The following FGFR2 variants were observed in gnomAD, a reference collection of about 807,000 sequenced individuals.
FGFR2 encodes the protein BEK fibroblast growth factor receptor.
FGFR2 carries 19 observed loss-of-function variants against 95.9 expected under a neutral mutation model. That is an observed-to-expected ratio of 0.20 (90% CI 0.14 to 0.29). FGFR2 has a LOEUF of 0.29. Among genes scored for constraint, FGFR2 ranks in the 10% least tolerant of loss-of-function variants. The probability of loss-of-function intolerance (pLI) is 1.00; values close to 1 mark genes in which losing one functional copy is unlikely to be tolerated. For synonymous variants in FGFR2, 392 were observed against 393.3 expected, an observed-to-expected ratio of 1.00 and a Z score of 0.04; for missense variants, 707 against 1,056.9, an observed-to-expected ratio of 0.67 and a Z score of 4.59.
intron 2 of FGFR2, among the ~76,000 whole-genome samples, chr10:121,591,916 C>T (rs1386747102): frequency 6.6e-6 from 1 of 152,158 alleles, no homozygotes; most frequent in Admixed American, 6.5e-5. Context: ...TCCCTTTCCA[C>T]GATTTCTTCC....
chr10:121,509,671 C>T (rs1848802321), intron 9 of FGFR2, among the ~76,000 whole-genome samples: 1 of 151,702 alleles, frequency 6.6e-6, no homozygotes, highest in Non-Finnish European at 1.5e-5. Context: ...TTAGTAGACA[C>T]ATGGTTTCAT....
intron 9 of FGFR2, among the ~76,000 whole-genome samples, chr10:121,507,560 T>A (rs763157819): frequency 2.0e-5 from 3 of 151,988 alleles, no homozygotes; most frequent in Non-Finnish European, 2.9e-5. Context: ...TGCACTGCAG[T>A]CTGGGCGACA....
At position 121,493,063 on chromosome 10, in the gene FGFR2, C is replaced by T. The variant is rs377152111; in HGVS notation, c.1863+3469G>A. On this transcript the variant is annotated intron_variant, in intron 13 of 17. Transcript: ENST00000358487. ...CAGAAGTGAGGACATCTGAGTCCTC[C>T]TGACACATCTGGTCTCAAACCATTC... Among the ~76,000 whole-genome samples, 153 of 152,250 alleles carry T rather than the reference C, an allele frequency of 1.0e-3. 2 individuals carry two copies. In the South Asian group the frequency reaches 0.029, roughly 29 times the overall value.
intron 6 of FGFR2, among the ~76,000 whole-genome samples, chr10:121,535,076 T>C (rs1478815873): frequency 1.3e-5 from 2 of 152,142 alleles, no homozygotes; most frequent in South Asian, 2.1e-4. Context: ...CAGAAGGAGA[T>C]TTTGAGACAC....
In FGFR2 at chr10:121,517,293, A is replaced by C. The variant is rs748295298; in HGVS notation, c.1084+26T>G. ...CAGTCAACCAAGAAAAGGGAAAAAA[A>C]CCCAGAGAGAAAGAACAGTATATAC... On this transcript the variant is annotated intron_variant, in intron 8 of 17. Transcript: ENST00000358487. This position sits in a 1 kb window ranked among gnomAD's most constrained non-coding sequence, Gnocchi z 4.7. 6.2e-6 allele frequency: 10 copies of C among 1,613,866 alleles called. No homozygotes were observed. Among genetic ancestry groups the C allele is most frequent in the Middle Eastern group, 3.3e-4 (2 of 6,084 alleles).
At chr10:121,482,652 T>C (rs1844909717) in intron 17 of FGFR2, among the ~76,000 whole-genome samples, 1 of 152,300 alleles carries the variant, frequency 6.6e-6, no homozygotes, top group East Asian at 1.9e-4. Flanking sequence ...CTAGACTTGA[T>C]GGGTTTATCA....
rs576719973 is a variant in FGFR2 at position 121,481,889 on chromosome 10, T to C, written c.2301+1809A>G. ...TCTCGCTCTGTCGCCAAGGCTGGAA[T>C]GCAATGGCATGATCTCGGCTCACTG... On this transcript the variant is annotated intron_variant, in intron 17 of 17. Coordinates refer to ENST00000358487, the MANE Select transcript of FGFR2 (RefSeq NM_000141.5). The C allele has an allele frequency of 1.1e-4, 26 of 227,450 alleles. No homozygotes were observed. The South Asian group carries it at 4.5e-3, about 39-fold the overall frequency. The allele number at this position is 227,450 out of a possible 1,614,324, so 14.1% of individuals were successfully genotyped here.
At chr10:121,580,910 G>C (rs1478341728) in intron 2 of FGFR2, among the ~76,000 whole-genome samples, 1 of 107,006 alleles carries the variant, frequency 9.3e-6, no homozygotes, top group Non-Finnish European at 2.3e-5. Flanking sequence ...TCTCAGAAGG[G>C]CTGTGCGCCG....
intron 9 of FGFR2, among the ~76,000 whole-genome samples, chr10:121,510,039 C>T (rs1848851329): frequency 6.6e-6 from 1 of 152,094 alleles, no homozygotes; most frequent in African/African-American, 2.4e-5. Context: ...TAAGCCTTGC[C>T]CACCACTCCC....
chr10:121,540,941 C>G (rs1853649601), intron 5 of FGFR2, among the ~76,000 whole-genome samples: 1 of 152,130 alleles, frequency 6.6e-6, no homozygotes, highest in East Asian at 1.9e-4. Context: ...CCTGACTCGG[C>G]TGACACATTA....
rs1177367694 is a variant in FGFR2 at position 121,485,445 on chromosome 10, C to A, written c.2145G>T (p.Leu715=). 2 of 1,614,158 alleles carry A rather than the reference C, an allele frequency of 1.2e-6. No homozygotes were observed. Among genetic ancestry groups the A allele is most frequent in the Non-Finnish European group, 8.5e-7 (1 of 1,180,036 alleles). Residue 715 remains leucine (L), a synonymous_variant, in exon 16 of 18, where the codon CTG becomes CTT. Coordinates refer to ENST00000358487, the MANE Select transcript of FGFR2 (RefSeq NM_000141.5). The surrounding 1 kb of genome is among the most constrained non-coding windows in gnomAD (Gnocchi z 4.2). The part of the protein sequence containing the change: ...PGIPVEELFK[L]LKEGHRMDKP... ...TATCCATTCTGTGTCCTTCCTTCAG[C>A]AGCTTAAAAAGTTCCTCCACGGGAA...
intron 2 of FGFR2, among the ~76,000 whole-genome samples, chr10:121,581,495 CTGGGAGGCCAAGG>C (rs45631539): frequency 0.41 from 60,969 of 149,522 alleles, 14,532 homozygotes; most frequent in Non-Finnish European, 0.53. Flanking sequence ...TCCCAGCACT[CTGGGAGGCCAAGG>C]TGGGAGGATC....
At chr10:121,582,875 T>C (rs1028416209) in intron 2 of FGFR2, among the ~76,000 whole-genome samples, 3 of 152,358 alleles carry the variant, frequency 2.0e-5, no homozygotes, top group Middle Eastern at 6.8e-3. Flanking sequence ...CTGAGTGTTC[T>C]GCAACTGCTG....
intron 1 of FGFR2, among the ~76,000 whole-genome samples, chr10:121,595,446 CGGTGTGTGTGCGTGCAT>C (rs1307332094): frequency 6.6e-6 from 1 of 151,884 alleles, no homozygotes; most frequent in Non-Finnish European, 1.5e-5. Flanking sequence ...TGTGTGTACA[CGGTGTGTGTGCGTGCAT>C]GGTGTGTGTG....
chr10:121,482,008 T>C (rs1432572941), intron 17 of FGFR2: 5 of 520,536 alleles, frequency 9.6e-6, no homozygotes, highest in Non-Finnish European at 1.7e-5. Context: ...CGGCTAATTT[T>C]TTGTATCTTT....
At chr10:121,495,405 G>A (rs556915100) in intron 13 of FGFR2, among the ~76,000 whole-genome samples, 86 of 152,188 alleles carry the variant, frequency 5.7e-4, no homozygotes, top group African/African-American at 1.7e-3. Context: ...GCACATCCTC[G>A]TACTCCCAGC....
chr10:121,566,913 G>A (rs1447425266), intron 2 of FGFR2, among the ~76,000 whole-genome samples: 2 of 152,098 alleles, frequency 1.3e-5, no homozygotes, highest in African/African-American at 2.4e-5. Context: ...CTCCACTGGA[G>A]TTGAGAGGAC....
intron 2 of FGFR2, among the ~76,000 whole-genome samples, chr10:121,580,909 G>C (rs945650416): frequency 9.3e-6 from 1 of 107,120 alleles, no homozygotes; most frequent in Non-Finnish European, 2.3e-5. Context: ...ATCTCAGAAG[G>C]GCTGTGCGCC....
At chr10:121,490,516 G>A (rs985505999) in intron 13 of FGFR2, among the ~76,000 whole-genome samples, 6 of 152,080 alleles carry the variant, frequency 3.9e-5, no homozygotes, top group African/African-American at 1.4e-4. Flanking sequence ...CTGCATTTTT[G>A]TTACACTTTC....
Sources: allele counts gnomAD v4.1 joint callset (sites outside exome capture counted in the v4.1 genomes callset), GRCh38; gene constraint gnomAD v4.1.1; non-coding constraint Gnocchi (gnomAD v3.1); transcripts MANE v1.5; gene names NCBI Gene and HGNC (gene_info 2026-07-23, HGNC 2026-07-21).